Variants in WWC2 observed in about 807,000 individuals in gnomAD.
WWC2 encodes WW and C2 domain containing 2.
In WWC2, 101 loss-of-function variants were observed where a neutral mutation model predicts 138.5. The ratio of observed to expected loss-of-function variants is 0.73; its 90% CI spans 0.62 to 0.86. The LOEUF (loss-of-function observed/expected upper bound fraction) is 0.86. WWC2 is among the 40% of genes least tolerant of loss of function. The pLI, the probability that WWC2 is intolerant of heterozygous loss-of-function variation, is 0.00. For missense variants in WWC2, 1,420 were observed against 1,419.4 expected (o/e 1.00, Z -0.01); for synonymous variants, 558 against 538.4 (o/e 1.04, Z -0.50).
At chr4:183,213,079 G>C (rs945308006) in intron 4 of WWC2, among the ~76,000 whole-genome samples, 1 of 152,206 alleles carries the variant, frequency 6.6e-6, no homozygotes, top group African/African-American at 2.4e-5. Context: ...CTAGGTGCTT[G>C]TTTAATACTT....
At chr4:183,132,599 G>T (rs912990484) in intron 1 of WWC2, among the ~76,000 whole-genome samples, 1 of 151,690 alleles carries the variant, frequency 6.6e-6, no homozygotes, top group Admixed American at 6.6e-5. Context: ...GACTACAGGC[G>T]CCCGCTACCA....
intron 14 of WWC2, among the ~76,000 whole-genome samples, chr4:183,267,615 T>A (rs1182653960): frequency 2.6e-5 from 4 of 152,186 alleles, no homozygotes; most frequent in African/African-American, 9.7e-5. Flanking sequence ...ATGCTCTACT[T>A]CAACTAAACC....
intron 2 of WWC2, among the ~76,000 whole-genome samples, chr4:183,204,103 AGGTTTT>A (rs1215903605): frequency 6.6e-6 from 1 of 152,284 alleles, no homozygotes; most frequent in Non-Finnish European, 1.5e-5. Context: ...AAACAGCTGA[AGGTTTT>A]ATTTCTGCAA....
chr4:183,232,518 C>T (rs1180240433), intron 4 of WWC2, among the ~76,000 whole-genome samples: 1 of 152,148 alleles, frequency 6.6e-6, no homozygotes, highest in Non-Finnish European at 1.5e-5. Flanking sequence ...TAAATGGCAT[C>T]GTATACTGTG....
intron 1 of WWC2, among the ~76,000 whole-genome samples, chr4:183,153,890 C>T (rs550323713): frequency 5.5e-4 from 83 of 151,402 alleles, no homozygotes; most frequent in Admixed American, 9.9e-4. Context: ...AGCAGTCACC[C>T]ACCTCATCCT....
chr4:183,292,120 C>T (rs1026309511), intron 21 of WWC2, among the ~76,000 whole-genome samples: 16 of 151,914 alleles, frequency 1.1e-4, no homozygotes, highest in African/African-American at 3.9e-4. Context: ...CACTTTAGCC[C>T]AGGAGGTAGA....
At chr4:183,133,538 C>T (rs1471767013) in intron 1 of WWC2, among the ~76,000 whole-genome samples, 1 of 152,106 alleles carries the variant, frequency 6.6e-6, no homozygotes, top group African/African-American at 2.4e-5. Flanking sequence ...GCCCTGTCGC[C>T]CAGGCTGGAG....
At position 183,256,899 on chromosome 4, in the gene WWC2, C is replaced by CAG. The variant is rs1560870229; in HGVS notation, c.1197-2740_1197-2739insAG. 4.4e-5 allele frequency among the ~76,000 whole-genome samples: 4 copies of CAG among 90,554 alleles called. 1 individual carries two copies. In the South Asian group the frequency reaches 1.1e-3, roughly 24 times the overall value. The allele number at this position is 90,554 out of a possible 152,430, so 59.4% of individuals were successfully genotyped here. The stretch of plus-strand genomic sequence containing the variant: ...TGATCCTACAGCCCCCCCCCCCCCC[C>CAG]CCCCGGCTCTGTTCCTGCCCCCACA... On this transcript the variant is annotated intron_variant, in intron 9 of 22. Coordinates refer to ENST00000403733, the MANE Select transcript of WWC2 (RefSeq NM_024949.6).
At chr4:183,277,236 T>C (rs1159578309) in intron 16 of WWC2, among the ~76,000 whole-genome samples, 1 of 148,812 alleles carries the variant, frequency 6.7e-6, no homozygotes, top group East Asian at 2.0e-4. Flanking sequence ...CGGTGTTTGG[T>C]TTTTTGTTCT....
At position 183,113,885 on chromosome 4, in the gene WWC2, G is replaced by GT. The variant is rs375400926; in HGVS notation, c.131+14270dup. On this transcript the variant is annotated intron_variant, in intron 1 of 22. Coordinates refer to ENST00000403733, the MANE Select transcript of WWC2 (RefSeq NM_024949.6). ...ATTTGCTTTTACCTAAAAAACCTATGTTTTTTTGGTAAAAATGAAAGAACT... is the reference window on the plus strand; with the variant it reads ...ATTTGCTTTTACCTAAAAAACCTATGTTTTTTTTGGTAAAAATGAAAGAACT... Among the ~76,000 whole-genome samples, 37 of 151,424 alleles carry GT rather than the reference G, an allele frequency of 2.4e-4. 1 individual carries two copies. Among genetic ancestry groups the GT allele is most frequent in the South Asian group, 4.2e-4 (2 of 4,774 alleles).
intron 11 of WWC2, among the ~76,000 whole-genome samples, chr4:183,262,550 C>CA (rs1281343558): frequency 6.6e-6 from 1 of 152,226 alleles, no homozygotes; most frequent in Admixed American, 6.5e-5. Context: ...ACTGAAGAGC[C>CA]AAGTGCTGTG....
chr4:183,271,071 C>G lies in WWC2; in HGVS notation c.2401-9C>G, dbSNP rs1394153931. 6.6e-7 allele frequency: 1 copy of G among 1,515,602 alleles called. No individual in the cohort carries two copies. Among genetic ancestry groups the G allele is most frequent in the African/African-American group, 1.4e-5 (1 of 70,884 alleles). The allele number at this position is 1,515,602 out of a possible 1,614,324, so 93.9% of individuals were successfully genotyped here. A position where few individuals can be genotyped will look rare whatever the true frequency, so the allele number is the denominator to read the frequency against. On this transcript the variant is annotated splice_polypyrimidine_tract_variant and intron_variant, in intron 15 of 22. Coordinates refer to ENST00000403733, the MANE Select transcript of WWC2 (RefSeq NM_024949.6). ...ATTTTTTTTTCTTTGTTTTCTTTCA[C>G]TTACATAGGCTGGAACTCAGATCAG...
At chr4:183,250,881 T>C (rs907280753) in intron 8 of WWC2, among the ~76,000 whole-genome samples, 7 of 152,192 alleles carry the variant, frequency 4.6e-5, no homozygotes, top group African/African-American at 1.7e-4. Flanking sequence ...TTCCTTATTA[T>C]TGGTGATGAT....
rs564251330 is a variant in WWC2, at chr4:183,281,722, A to G, written c.2684+825A>G. Among the ~76,000 whole-genome samples the G allele has an allele frequency of 2.0e-5, 3 of 152,288 alleles. No individual in the cohort carries two copies. In the East Asian group the frequency reaches 5.8e-4, roughly 29 times the overall value. The stretch of plus-strand genomic sequence containing the variant: ...GAAGGAAGAGCTTCTACTGTGATGT[A>G]AAAAGATATAGATATACTTTGTCCT... On this transcript the variant is annotated intron_variant, in intron 17 of 22. Coordinates refer to ENST00000403733, the MANE Select transcript of WWC2 (RefSeq NM_024949.6).
At chr4:183,190,321 G>A (rs765717313) in intron 1 of WWC2, among the ~76,000 whole-genome samples, 31 of 152,076 alleles carry the variant, frequency 2.0e-4, no homozygotes, top group Non-Finnish European at 3.7e-4. Flanking sequence ...TAACATTTCC[G>A]TTCACTGTAT....
chr4:183,267,254 G>A (rs1180501328), intron 14 of WWC2, among the ~76,000 whole-genome samples: 3 of 152,166 alleles, frequency 2.0e-5, no homozygotes, highest in Admixed American at 1.3e-4. Context: ...GAATCAAAGT[G>A]TGGACTGTCC....
chr4:183,224,660 A>G (rs552130022), intron 4 of WWC2, among the ~76,000 whole-genome samples: 4 of 152,286 alleles, frequency 2.6e-5, no homozygotes, highest in Non-Finnish European at 5.9e-5. Flanking sequence ...TCCTGGGCTC[A>G]AGTGATTCTT....
Position 183,315,818 on chromosome 4 carries a change from G to T in WWC2, c.*89G>T. On this transcript the variant is annotated 3_prime_UTR_variant, in exon 23 of 23. Coordinates refer to ENST00000403733, the MANE Select transcript of WWC2 (RefSeq NM_024949.6). ...GATTTGTGTTTTTGTTTTGGTGTTT[G>T]GTTTTTTTTGGTAACGTAACTGTCA... The T allele has an allele frequency of 1.9e-6, 2 of 1,037,234 alleles. No individual in the cohort carries two copies. Among genetic ancestry groups the T allele is most frequent in the South Asian group, 1.7e-5 (1 of 57,990 alleles). The allele number at this position is 1,037,234 out of a possible 1,614,324, so 64.3% of individuals were successfully genotyped here.
chr4:183,215,069 G>A (rs1735717727), intron 4 of WWC2, among the ~76,000 whole-genome samples: 1 of 152,174 alleles, frequency 6.6e-6, no homozygotes, highest in Non-Finnish European at 1.5e-5. Flanking sequence ...CCCCCCAGTG[G>A]ATGCCTGAAG....
Sources: allele counts gnomAD v4.1 joint callset (sites outside exome capture counted in the v4.1 genomes callset), GRCh38; gene constraint gnomAD v4.1.1; transcripts MANE v1.5; gene names NCBI Gene and HGNC (gene_info 2026-07-23, HGNC 2026-07-21).